ODAD3: variants seen among roughly 807,000 people sequenced by gnomAD.
ODAD3 encodes outer dynein arm-docking complex subunit 3.
ODAD3 carries 57 observed loss-of-function variants against 70.9 expected under a neutral mutation model. The observed-to-expected ratio is 0.80, with a 90% CI of 0.65 to 1.00. The LOEUF (loss-of-function observed/expected upper bound fraction) is 1.00. Among genes scored for constraint, ODAD3 ranks in the 50% least tolerant of loss-of-function variants. ODAD3 has a pLI of 0.00. For missense variants in ODAD3, 797 were observed against 763.9 expected, an observed-to-expected ratio of 1.04 and a Z score of -0.51; for synonymous variants, 327 against 315.9, an observed-to-expected ratio of 1.04 and a Z score of -0.37.
intron 1 of ODAD3, among the ~76,000 whole-genome samples, chr19:11,433,313 AT>A (rs1969540134): frequency 6.6e-6 from 1 of 151,914 alleles, no homozygotes; most frequent in South Asian, 2.1e-4. Context: ...TGCCCGGCTA[AT>A]TTTTTGTATT....
chr19:11,430,443 G>GA (rs1555723714), intron 3 of ODAD3: 2 of 449,660 alleles, frequency 4.4e-6, no homozygotes, highest in East Asian at 7.5e-5. Flanking sequence ...TGGCTGTGAT[G>GA]TTTTTTTTTT....
At chr19:11,435,288 A>G, upstream of ODAD3, 1 of 1,061,446 alleles carries the variant, frequency 9.4e-7, no homozygotes, top group African/African-American at 1.6e-5. Flanking sequence ...TGGGCGGGGT[A>G]GAGCCGCGCC....
chr19:11,424,130 C>T (rs539181030), intron 7 of ODAD3, 101 bp from the exon 8 acceptor site: 3 of 1,417,612 alleles, frequency 2.1e-6, no homozygotes, highest in East Asian at 2.3e-5. Flanking sequence ...AGGAACAGGG[C>T]TCAAACTGGA....
At chr19:11,421,941 C>G in intron 10 of ODAD3, 109 bp from the exon 11 acceptor site, 1 of 1,268,112 alleles carries the variant, frequency 7.9e-7, no homozygotes, top group Non-Finnish European at 1.1e-6. Flanking sequence ...GGTAAGGGCC[C>G]ACCTGCAGGG....
chr19:11,422,664 C>A lies in ODAD3; in HGVS notation c.1277+37G>T, dbSNP rs1185520173. 2.5e-6 allele frequency: 4 copies of A among 1,606,302 alleles called. No homozygotes were observed. The highest frequency in any genetic ancestry group is 3.4e-6 in the Non-Finnish European group (4 of 1,176,854). ...CGGGAGGTCACCCCGGGGGCTCAGCCCGCCCCGCCGCCCTCCCCAGAGCCC... is the reference window on the plus strand; with the variant it reads ...CGGGAGGTCACCCCGGGGGCTCAGCACGCCCCGCCGCCCTCCCCAGAGCCC... On this transcript the variant is annotated intron_variant, in intron 9 of 12. Transcript: ENST00000356392. This position sits in a 1 kb window ranked among gnomAD's most constrained non-coding sequence, Gnocchi z 4.6.
At chr19:11,435,555 C>G, upstream of ODAD3, 2 of 659,396 alleles carry the variant, frequency 3.0e-6, no homozygotes, top group South Asian at 1.6e-5. Flanking sequence ...TCCTGCCTCT[C>G]CCAACATGGC....
At chr19:11,432,474 G>A (rs1344539496) in intron 1 of ODAD3, among the ~76,000 whole-genome samples, 3 of 152,038 alleles carry the variant, frequency 2.0e-5, no homozygotes, top group Non-Finnish European at 4.4e-5. Flanking sequence ...TCGAACTCCT[G>A]GCCTCTAGCA....
At chr19:11,434,048 C>T (rs111904935) in intron 1 of ODAD3, among the ~76,000 whole-genome samples, 1 of 151,742 alleles carries the variant, frequency 6.6e-6, no homozygotes, top group South Asian at 2.1e-4. Context: ...GAAACCCAGT[C>T]TCTACTAAAA....
At chr19:11,425,065 A>ATATATGTATATGTG (rs1353812322) in intron 7 of ODAD3, among the ~76,000 whole-genome samples, 5 of 128,500 alleles carry the variant, frequency 3.9e-5, no homozygotes, top group East Asian at 2.3e-4. Flanking sequence ...GTATATGTGT[A>ATATATGTATATGTG]TATATGTATA....
Position 11,426,141 on chromosome 19 carries a change from C to T in ODAD3, c.963+3G>A. 6.2e-7 allele frequency: 1 copy of T among 1,606,754 alleles called. No homozygotes were observed. The highest frequency in any genetic ancestry group is 8.5e-7 in the Non-Finnish European group (1 of 1,178,512). ...ACAGGCGCGCACCCCTGGGTGCGCC[C>T]ACCTTGCGCTCCATGCGCTCGTTCT... On this transcript the variant is annotated splice_donor_region_variant and intron_variant, in intron 7 of 12. Coordinates refer to ENST00000356392, the MANE Select transcript of ODAD3 (RefSeq NM_145045.5).
intron 3 of ODAD3, among the ~76,000 whole-genome samples, chr19:11,428,112 A>T (rs578060210): frequency 6.6e-6 from 1 of 151,994 alleles, no homozygotes; most frequent in East Asian, 2.0e-4. Context: ...AAAAAAAAAA[A>T]AATTATAGAG....
rs1440693969 is a variant in ODAD3 at position 11,434,783 on chromosome 19, T to C, written c.234A>G (p.Ile78Met). The C allele has an allele frequency of 6.2e-7, 1 of 1,612,414 alleles. No individual in the cohort carries two copies. The highest frequency in any genetic ancestry group is 1.1e-5 in the South Asian group (1 of 91,000). The change falls in exon 1 of 13, where the codon ATA becomes ATG. Residue 78 changes from isoleucine (I) to methionine (M), a missense_variant. Ile to Met is a conservative substitution (Grantham distance 10). Coordinates refer to ENST00000356392, the MANE Select transcript of ODAD3 (RefSeq NM_145045.5). ...CTGGAGCCATCTTACCTAACAGTTG[T>C]ATCTTTTTATGTAACTCAGCCACCT... ...HSQVAELHKK[I>M]QLLEGDRKAF... is the part of the protein sequence containing the mutation.
Position 11,422,532 on chromosome 19 carries a change from G to A in ODAD3, c.1373C>T (p.Ala458Val), listed in dbSNP as rs760125841. The change falls in exon 10 of 13, where the codon GCG becomes GTG. Residue 458 changes from alanine (A) to valine (V), a missense_variant. By Grantham distance (64) the Ala-to-Val change is moderately conservative. Coordinates refer to ENST00000356392, the MANE Select transcript of ODAD3 (RefSeq NM_145045.5). This position sits in a 1 kb window ranked among gnomAD's most constrained non-coding sequence, Gnocchi z 4.6. ...AKDQLERALR[A>V]MQVAKDSLEH... ...CAGGCTGTCCTTGGCCACTTGCATC[G>A]CCCGCAAGGCGCGCTCCAGCTGGTC... The A allele has an allele frequency of 3.1e-6, 5 of 1,591,282 alleles. No homozygotes were observed. Among genetic ancestry groups the A allele is most frequent in the African/African-American group, 2.7e-5 (2 of 74,734 alleles).
upstream of ODAD3, chr19:11,435,756 C>T: frequency 7.3e-7 from 1 of 1,366,916 alleles, no homozygotes. Context: ...TTACAGGGGG[C>T]AACCGGAGGG....
At position 11,424,956 on chromosome 19, in the gene ODAD3, CATATGTGTATATATGTAT is replaced by C. The variant is rs1181001463; in HGVS notation, c.964-945_964-928del. On this transcript the variant is annotated intron_variant, in intron 7 of 12. Transcript: ENST00000356392. ...ATATATGTATATATGTGTATATGTA[CATATGTGTATATATGTAT>C]ATATGTGTATATGTACATATGTGTA... Among the ~76,000 whole-genome samples, 198 of 105,830 alleles carry C rather than the reference CATATGTGTATATATGTAT, an allele frequency of 1.9e-3. 11 individuals carry two copies. Among genetic ancestry groups the C allele is most frequent in the Middle Eastern group, 0.016 (1 of 64 alleles). The allele number at this position is 105,830 out of a possible 152,430, so 69.4% of individuals were successfully genotyped here. A position where few individuals can be genotyped will look rare whatever the true frequency, so the allele number is the denominator to read the frequency against.
intron 7 of ODAD3, among the ~76,000 whole-genome samples, chr19:11,425,122 C>CATATGTGTATATGTGT (rs1262628831): frequency 4.3e-5 from 5 of 116,612 alleles, no homozygotes; most frequent in Non-Finnish European, 8.2e-5. Context: ...TGTATATGTA[C>CATATGTGTATATGTGT]ATATGTGTAT....
intron 7 of ODAD3, among the ~76,000 whole-genome samples, chr19:11,424,679 ATATACCTATG>A (rs1969231687): frequency 1.5e-5 from 1 of 68,486 alleles, no homozygotes; most frequent in Non-Finnish European, 2.4e-5. Flanking sequence ...ATATGTGTAT[ATATACCTATG>A]TGTATATATG....
chr19:11,422,950 C>T lies in ODAD3; in HGVS notation c.1117-89G>A. On this transcript the variant is annotated intron_variant, in intron 8 of 12. Coordinates refer to ENST00000356392, the MANE Select transcript of ODAD3 (RefSeq NM_145045.5). This position sits in a 1 kb window ranked among gnomAD's most constrained non-coding sequence, Gnocchi z 4.6. ...CTCCCCCACCCTGCGAACCCTCGCA[C>T]GCAGGACAGGTGGCCTGAGCTGGCG... The T allele has an allele frequency of 6.9e-7, 1 of 1,459,112 alleles. No individual in the cohort carries two copies. Among genetic ancestry groups the T allele is most frequent in the Non-Finnish European group, 9.2e-7 (1 of 1,086,040 alleles). 90.4% of individuals were successfully genotyped at this position (1,459,112 alleles called of 1,614,324 possible). A position where few individuals can be genotyped will look rare whatever the true frequency, so the allele number is the denominator to read the frequency against.
At position 11,422,048 on chromosome 19, in the gene ODAD3, G is replaced by A. The variant is rs947354568; in HGVS notation, c.1435-216C>T. On this transcript the variant is annotated intron_variant, in intron 10 of 12. Transcript: ENST00000356392. This position sits in a 1 kb window ranked among gnomAD's most constrained non-coding sequence, Gnocchi z 4.6. ...ACTCTATATGTAAAGGTTTCGGGGA[G>A]GCCTCTTGGGAACAGTAAGGATTCG... 2.0e-5 allele frequency among the ~76,000 whole-genome samples: 3 copies of A among 152,194 alleles called. No individual in the cohort carries two copies. The highest frequency in any genetic ancestry group is 2.0e-4 in the Admixed American group (3 of 15,272).
Sources: allele counts gnomAD v4.1 joint callset (sites outside exome capture counted in the v4.1 genomes callset), GRCh38; gene constraint gnomAD v4.1.1; non-coding constraint Gnocchi (gnomAD v3.1); transcripts MANE v1.5; gene names NCBI Gene and HGNC (gene_info 2026-07-23, HGNC 2026-07-21).